The following MAST2 variants were observed in gnomAD, a reference collection of about 807,000 sequenced individuals.
MAST2 encodes microtubule associated serine/threonine kinase 2.
MAST2 carries 70 observed loss-of-function variants against 147.4 expected under a neutral mutation model. That is an observed-to-expected ratio of 0.47 (90% confidence interval 0.39 to 0.58). The LOEUF is 0.58. Among genes scored for constraint, MAST2 ranks in the 20% least tolerant of loss-of-function variants. MAST2 has a pLI of 0.00. For missense variants in MAST2, 2,080 were observed against 2,302.3 expected (o/e 0.90, Z 1.98); for synonymous variants, 869 against 896.8 (o/e 0.97, Z 0.55).
At chr1:45,983,488 CTTTT>C (rs766505425) in intron 5 of MAST2, among the ~76,000 whole-genome samples, 2 of 139,528 alleles carry the variant, frequency 1.4e-5, no homozygotes, top group Admixed American at 7.2e-5. Context: ...GAGTAAGACA[CTTTT>C]TTTTTTTTTT....
At chr1:45,968,226 A>G (rs913254305) in intron 5 of MAST2, among the ~76,000 whole-genome samples, 2 of 152,250 alleles carry the variant, frequency 1.3e-5, no homozygotes, top group Admixed American at 6.5e-5. Context: ...CTATTAGACA[A>G]ATTAAGAATA....
chr1:45,983,700 T>C lies in MAST2; in HGVS notation c.593-14024T>C, dbSNP rs762456933. Among the ~76,000 whole-genome samples, 42 of 152,186 alleles carry C rather than the reference T, an allele frequency of 2.8e-4. 1 individual carries two copies. The Middle Eastern group carries it at 0.034, about 123-fold the overall frequency. ...TAGAGATGGAGTCTCACTATTTTGC[T>C]TAGGCTGGTCTTAAACTCCTGAACT... On this transcript the variant is annotated intron_variant, in intron 5 of 28. Transcript: ENST00000361297.
intron 4 of MAST2, among the ~76,000 whole-genome samples, chr1:45,891,922 A>G (rs1647863090): frequency 6.6e-6 from 1 of 152,164 alleles, no homozygotes; most frequent in Non-Finnish European, 1.5e-5. Context: ...TGTAATAACT[A>G]TAAATTTGGG....
intron 4 of MAST2, among the ~76,000 whole-genome samples, chr1:45,920,823 CTGAT>C (rs1274263798): frequency 6.6e-6 from 1 of 152,100 alleles, no homozygotes; most frequent in Admixed American, 6.5e-5. Flanking sequence ...TCAAAATACT[CTGAT>C]GAGGTGGGTG....
At chr1:45,905,514 C>A (rs941258197) in intron 4 of MAST2, among the ~76,000 whole-genome samples, 25 of 152,154 alleles carry the variant, frequency 1.6e-4, no homozygotes, top group African/African-American at 5.5e-4. Flanking sequence ...CGCGGTGGCT[C>A]ACGCCTATAA....
Position 46,031,668 on chromosome 1 carries a change from GGTGT to G in MAST2, c.3187+96_3187+99del. The G allele has an allele frequency of 4.8e-5, 62 of 1,303,062 alleles. No homozygotes were observed. Among genetic ancestry groups the G allele is most frequent in the Middle Eastern group, 1.9e-4 (1 of 5,232 alleles). The allele number at this position is 1,303,062 out of a possible 1,614,324, so 80.7% of individuals were successfully genotyped here. A position where few individuals can be genotyped will look rare whatever the true frequency, so the allele number is the denominator to read the frequency against. On this transcript the variant is annotated intron_variant, in intron 24 of 28. Transcript: ENST00000361297. This position sits in a 1 kb window ranked among gnomAD's most constrained non-coding sequence, Gnocchi z 4.1. ...CCTTGGGAGGGTTCTGCACGTGGCA[GGTGT>G]GTGTGTGTGTGTTAAGCACAGATCT... is the stretch of plus-strand genomic sequence containing the variant.
At chr1:46,034,445 T>C in intron 28 of MAST2, 93 bp from the exon 29 acceptor site, 4 of 1,389,266 alleles carry the variant, frequency 2.9e-6, no homozygotes, top group Non-Finnish European at 3.9e-6. Flanking sequence ...TTCTGGGACA[T>C]AACAGGGCTA....
At chr1:45,831,002 C>T (rs915817131) in intron 3 of MAST2, among the ~76,000 whole-genome samples, 2 of 147,722 alleles carry the variant, frequency 1.4e-5, no homozygotes, top group African/African-American at 5.0e-5. Flanking sequence ...TGCCACCACA[C>T]TCTGGCGACA....
chr1:45,808,998 A>G (rs1311521593), intron 1 of MAST2, among the ~76,000 whole-genome samples: 1 of 152,132 alleles, frequency 6.6e-6, no homozygotes, highest in African/African-American at 2.4e-5. Context: ...TGTTTCTCTC[A>G]TTAGTAAGTT....
intron 1 of MAST2, among the ~76,000 whole-genome samples, chr1:45,809,931 A>G (rs558652588): frequency 6.6e-6 from 1 of 152,356 alleles, no homozygotes; most frequent in South Asian, 2.1e-4. Flanking sequence ...ATTCCTGGTC[A>G]TATAAAGTAG....
In MAST2 at chr1:46,035,170, G is replaced by A; in HGVS notation, c.4501G>A (p.Val1501Met). The A allele has an allele frequency of 6.2e-7, 1 of 1,614,002 alleles. No homozygotes were observed. Among genetic ancestry groups the A allele is most frequent in the South Asian group, 1.1e-5 (1 of 91,084 alleles). The change falls in exon 29 of 29, where the codon GTG (valine) becomes ATG (methionine). Residue 1501 changes from valine to methionine, a missense_variant. Physicochemically the swap from Val to Met is conservative, Grantham distance 21 (BLOSUM62 1). Transcript: ENST00000361297. The surrounding 1 kb of genome is among the most constrained non-coding windows in gnomAD (Gnocchi z 5.5). ...SLQKQEAIRE[V>M]DSSEDDTEEG... ...GCAGAAGCAAGAAGCCATTCGTGAG[G>A]TGGACTCCTCAGAGGACGACACCGA...
intron 5 of MAST2, among the ~76,000 whole-genome samples, chr1:45,960,523 G>C (rs1348822353): frequency 6.6e-6 from 1 of 152,080 alleles, no homozygotes. Context: ...AAAAAGAAAA[G>C]AAAAGAAATA....
chr1:46,019,983 C>T (rs1192023493), intron 11 of MAST2, among the ~76,000 whole-genome samples: 2 of 152,092 alleles, frequency 1.3e-5, no homozygotes, highest in East Asian at 3.9e-4. Context: ...GAGCATAGCC[C>T]AGTTTAGTTT....
At chr1:45,901,949 T>A (rs1340363288) in intron 4 of MAST2, among the ~76,000 whole-genome samples, 5 of 152,206 alleles carry the variant, frequency 3.3e-5, no homozygotes, top group Admixed American at 1.3e-4. Flanking sequence ...CTAACTCTGT[T>A]CCTATTTGGA....
At chr1:45,896,047 T>C (rs1648681220) in intron 4 of MAST2, among the ~76,000 whole-genome samples, 1 of 151,942 alleles carries the variant, frequency 6.6e-6, no homozygotes, top group African/African-American at 2.4e-5. Flanking sequence ...CTTAGATTTT[T>C]TTTTTTTTTT....
chr1:45,985,722 CA>C (rs1644586541), intron 5 of MAST2, among the ~76,000 whole-genome samples: 1 of 152,188 alleles, frequency 6.6e-6, no homozygotes, highest in African/African-American at 2.4e-5. Context: ...GACTTCTTAA[CA>C]ATATCAAATC....
At chr1:45,838,145 A>G (rs1645160992) in intron 3 of MAST2, among the ~76,000 whole-genome samples, 1 of 149,408 alleles carries the variant, frequency 6.7e-6, no homozygotes, top group Non-Finnish European at 1.5e-5. Flanking sequence ...TTTAATTTTA[A>G]TTTGCATTTC....
chr1:45,830,052 T>G (rs1308288709), intron 3 of MAST2, among the ~76,000 whole-genome samples: 2 of 151,946 alleles, frequency 1.3e-5, no homozygotes, highest in African/African-American at 2.4e-5. Context: ...AGATGGGGTT[T>G]CACTGTGTTG....
At chr1:45,943,613 C>T (rs1027750392) in intron 4 of MAST2, among the ~76,000 whole-genome samples, 6 of 152,072 alleles carry the variant, frequency 3.9e-5, no homozygotes, top group South Asian at 4.1e-4. Context: ...GGCGTGGTGA[C>T]GCGTGCCTGT....
Sources: gnomAD v4.1 joint callset for allele counts (sites outside exome capture counted in the v4.1 genomes callset) on GRCh38, gnomAD v4.1.1 for gene constraint, Gnocchi (gnomAD v3.1) non-coding constraint, MANE v1.5 for transcripts, NCBI Gene and HGNC (gene_info 2026-07-23, HGNC 2026-07-21) for gene names.